MAMDC2: variants seen among roughly 807,000 people sequenced by gnomAD.
The protein encoded by MAMDC2 is MAM domain-containing protein 2.
In MAMDC2, 57 loss-of-function variants were observed where a neutral mutation model predicts 89.8. That is an observed-to-expected ratio of 0.63 (90% CI 0.51 to 0.79). The LOEUF (loss-of-function observed/expected upper bound fraction) is 0.79. Among genes scored for constraint, MAMDC2 ranks in the 30% least tolerant of loss-of-function variants. MAMDC2 has a pLI of 0.00. For synonymous variants in MAMDC2, 313 were observed against 293.4 expected, an observed-to-expected ratio of 1.07 and a Z score of -0.68; for missense variants, 800 against 820.6, an observed-to-expected ratio of 0.97 and a Z score of 0.31.
At chr9:70,101,640 G>T (rs953467657) in intron 2 of MAMDC2, among the ~76,000 whole-genome samples, 1 of 152,172 alleles carries the variant, frequency 6.6e-6, no homozygotes, top group African/African-American at 2.4e-5. Context: ...ACTGTTACAG[G>T]TTTGTAGCCT....
chr9:70,198,160 G>GTATATA (rs755641073), intron 11 of MAMDC2, among the ~76,000 whole-genome samples: 569 of 51,092 alleles, frequency 0.011, 1 homozygote, highest in Non-Finnish European at 0.018. Flanking sequence ...GTGTATGTGT[G>GTATATA]TATATATATA....
intron 11 of MAMDC2, among the ~76,000 whole-genome samples, chr9:70,206,828 G>GTCCAAGTGTTCTCA (rs1455723308): frequency 1.5e-4 from 23 of 152,212 alleles, no homozygotes; most frequent in African/African-American, 5.1e-4. Context: ...CCCACCCTGT[G>GTCCAAGTGTTCTCA]TCCAAGTGTT....
intron 11 of MAMDC2, among the ~76,000 whole-genome samples, chr9:70,174,086 T>A (rs538611233): frequency 5.9e-5 from 9 of 152,370 alleles, no homozygotes; most frequent in African/African-American, 1.9e-4. Flanking sequence ...GAATAATTAA[T>A]ACCTACCTCA....
At chr9:70,053,080 C>A (rs2117992837) in intron 2 of MAMDC2, among the ~76,000 whole-genome samples, 1 of 152,310 alleles carries the variant, frequency 6.6e-6, no homozygotes, top group Non-Finnish European at 1.5e-5. Flanking sequence ...GCGGGTGTTT[C>A]TGAGGTACTC....
chr9:70,114,414 G>C (rs1411492692), intron 5 of MAMDC2, among the ~76,000 whole-genome samples: 6 of 151,588 alleles, frequency 4.0e-5, no homozygotes. Flanking sequence ...TTGTGTGTGT[G>C]AAATTTCCCA....
At chr9:70,184,849 T>G (rs2032717450) in intron 11 of MAMDC2, among the ~76,000 whole-genome samples, 1 of 152,110 alleles carries the variant, frequency 6.6e-6, no homozygotes, top group Non-Finnish European at 1.5e-5. Flanking sequence ...TCAGAGGAAT[T>G]TATTACCTAT....
At chr9:70,163,212 A>T (rs11141921) in intron 9 of MAMDC2, among the ~76,000 whole-genome samples, 4 of 148,684 alleles carry the variant, frequency 2.7e-5, no homozygotes, top group South Asian at 2.1e-4. Context: ...CCAGGGCTTC[A>T]GGATATTTCT....
intron 2 of MAMDC2, among the ~76,000 whole-genome samples, chr9:70,064,310 T>C (rs950349052): frequency 6.6e-6 from 1 of 152,148 alleles, no homozygotes; most frequent in Non-Finnish European, 1.5e-5. Context: ...CTTTTATCCC[T>C]TACCCCCTTT....
chr9:70,208,927 C>G (rs185873346), intron 11 of MAMDC2, among the ~76,000 whole-genome samples: 27 of 152,022 alleles, frequency 1.8e-4, no homozygotes, highest in African/African-American at 6.5e-4. Context: ...ATATGATGGA[C>G]TATGTTTATT....
Position 70,174,107 on chromosome 9 carries a change from T to C in MAMDC2, c.1651+3476T>C, listed in dbSNP as rs183357775. On this transcript the variant is annotated intron_variant, in intron 11 of 13. Transcript: ENST00000377182. ...TTAATACCTACCTCACAGACTGTGG[T>C]GAGGTTTAAATGAAACAAGATATAA... 5.7e-3 allele frequency among the ~76,000 whole-genome samples: 862 copies of C among 152,326 alleles called. 10 individuals carry two copies. Among genetic ancestry groups the C allele is most frequent in the African/African-American group, 0.02 (833 of 41,580 alleles).
chr9:70,217,485 A>T, intron 11 of MAMDC2: 1 of 1,470,866 alleles, frequency 6.8e-7, no homozygotes. Flanking sequence ...GGAATCAGAA[A>T]CCTTAAGTTA....
Position 70,218,545 on chromosome 9 carries a change from C to A in MAMDC2, c.1860C>A (p.Ser620Arg), listed in dbSNP as rs1359322526. 2 of 1,614,106 alleles carry A rather than the reference C, an allele frequency of 1.2e-6. No homozygotes were observed. Among genetic ancestry groups the A allele is most frequent in the Non-Finnish European group, 8.5e-7 (1 of 1,180,010 alleles). The change falls in exon 12 of 14, where the codon AGC becomes AGA. Residue 620 changes from serine to arginine, a missense_variant. Ser to Arg is a moderately radical substitution (Grantham distance 110, BLOSUM62 -1). Transcript: ENST00000377182. ...TATGGAGGAGAAGAGGTGAACAGAG[C>A]ATTTCCTGGCTACGAGCACTGATTG... ...SLLWRRRGEQ[S>R]ISWLRALIEY...
chr9:70,095,578 GA>G (rs1456808585), intron 2 of MAMDC2, among the ~76,000 whole-genome samples: 2 of 152,156 alleles, frequency 1.3e-5, no homozygotes. Context: ...GGGAGAGTAG[GA>G]TTTGGGAGAA....
chr9:70,218,131 ATTAAAT>A (rs1320403814), intron 11 of MAMDC2, among the ~76,000 whole-genome samples, 200 bp from the exon 12 acceptor site: 2 of 152,266 alleles, frequency 1.3e-5, no homozygotes, highest in Non-Finnish European at 2.9e-5. Context: ...ATTATAAATC[ATTAAAT>A]TTAAGAAATC....
intron 2 of MAMDC2, among the ~76,000 whole-genome samples, chr9:70,078,776 A>G (rs550941653): frequency 1.3e-4 from 20 of 152,254 alleles, no homozygotes; most frequent in African/African-American, 2.9e-4. Flanking sequence ...CGTTCCTCCA[A>G]TGAAAATTCT....
chr9:70,196,536 G>C (rs2032978120), intron 11 of MAMDC2, among the ~76,000 whole-genome samples: 1 of 152,092 alleles, frequency 6.6e-6, no homozygotes, highest in African/African-American at 2.4e-5. Context: ...TTTACTGCAA[G>C]TAAGGGATGG....
intron 2 of MAMDC2, among the ~76,000 whole-genome samples, chr9:70,064,774 T>C (rs1216990632): frequency 6.6e-6 from 1 of 152,196 alleles, no homozygotes; most frequent in Non-Finnish European, 1.5e-5. Context: ...CAGAACCCTC[T>C]AGTTGTCTAA....
At chr9:70,093,293 G>A (rs1173730482) in intron 2 of MAMDC2, among the ~76,000 whole-genome samples, 4 of 152,134 alleles carry the variant, frequency 2.6e-5, no homozygotes, top group African/African-American at 9.7e-5. Context: ...CTTGTGAATG[G>A]ACACATATTT....
chr9:70,099,590 G>A (rs894201377), intron 2 of MAMDC2, among the ~76,000 whole-genome samples: 26 of 152,084 alleles, frequency 1.7e-4, no homozygotes, highest in African/African-American at 6.0e-4. Flanking sequence ...AAAAAGACAT[G>A]CCCATAGCAG....
Sources: gnomAD v4.1 joint callset for allele counts (sites outside exome capture counted in the v4.1 genomes callset) on GRCh38, gnomAD v4.1.1 for gene constraint, MANE v1.5 for transcripts, NCBI Gene and HGNC (gene_info 2026-07-23, HGNC 2026-07-21) for gene names.